LTBP1: variants seen among roughly 807,000 people sequenced by gnomAD.
The protein encoded by LTBP1 is latent-transforming growth factor beta-binding protein 1.
A neutral mutation model predicts 207.6 loss-of-function variants in LTBP1; 129 were observed. That is an observed-to-expected ratio of 0.62 (90% CI 0.54 to 0.72). The LOEUF (loss-of-function observed/expected upper bound fraction) is 0.72, where lower values mean the gene tolerates loss of function less well. LTBP1 is among the 30% of genes least tolerant of loss of function. The pLI is 0.00. For synonymous variants in LTBP1, 963 were observed against 833.7 expected (o/e 1.16, Z -2.67); for missense variants, 2,281 against 2,217.2 (o/e 1.03, Z -0.58).
At chr2:33,303,308 A>G (rs1450170646) in intron 22 of LTBP1, among the ~76,000 whole-genome samples, 1 of 151,070 alleles carries the variant, frequency 6.6e-6, no homozygotes. Flanking sequence ...TGGTTTCAGG[A>G]TGAAACTGTC....
intron 24 of LTBP1, among the ~76,000 whole-genome samples, chr2:33,315,935 C>G (rs1416286688): frequency 2.0e-5 from 3 of 151,956 alleles, no homozygotes; most frequent in African/African-American, 7.3e-5. Context: ...AAGACTCCGT[C>G]TAAAAAAGAA....
At chr2:33,288,574 G>A (rs1270576873) in intron 19 of LTBP1, among the ~76,000 whole-genome samples, 2 of 152,170 alleles carry the variant, frequency 1.3e-5, no homozygotes, top group Admixed American at 6.5e-5. Context: ...AGAAGTTGGA[G>A]GCCAGGTGCG....
chr2:33,179,313 A>G (rs181190212), intron 5 of LTBP1, among the ~76,000 whole-genome samples: 228 of 152,326 alleles, frequency 1.5e-3, no homozygotes, highest in Admixed American at 3.4e-3. Flanking sequence ...CCCCTCATCT[A>G]GAGTTTAAAA....
Position 33,365,393 on chromosome 2 carries a change from A to T in LTBP1, c.4601A>T (p.Tyr1534Phe), listed in dbSNP as rs777711061. 5 of 1,614,076 alleles carry T rather than the reference A, an allele frequency of 3.1e-6. No individual in the cohort carries two copies. Among genetic ancestry groups the T allele is most frequent in the Non-Finnish European group, 4.2e-6 (5 of 1,180,024 alleles). Reference sequence around the variant, plus strand: ...TGCTGGGAACATCTGAGTGATGAATACGTGTGTAGCCGGCCTCTTGTGGGC... The same window carrying T: ...TGCTGGGAACATCTGAGTGATGAATTCGTGTGTAGCCGGCCTCTTGTGGGC... ...DLCWEHLSDE[Y>F]VCSRPLVGKQ... Residue 1534 changes from tyrosine (Y) to phenylalanine (F), a missense_variant, in exon 31 of 34, where the codon TAC becomes TTC. By Grantham distance (22) the Tyr-to-Phe change is conservative (BLOSUM62 3). This residue lies in a region of LTBP1 where 1,671 missense variants were observed against 1,634.8 expected (regional missense o/e 1.02). Coordinates refer to ENST00000404816, the MANE Select transcript of LTBP1 (RefSeq NM_206943.4).
rs1470732676 is a variant in LTBP1 at position 33,000,311 on chromosome 2, G to A, written c.566-20598G>A. On this transcript the variant is annotated intron_variant, in intron 2 of 33. Transcript: ENST00000404816. ...CCTACCCTTAGAATGACCCTATATG[G>A]CAGATGCACCTGAATGTGTATACCG... Among the ~76,000 whole-genome samples, 2 of 134,538 alleles carry A rather than the reference G, an allele frequency of 1.5e-5. 1 individual carries two copies. Among genetic ancestry groups the A allele is most frequent in the Non-Finnish European group, 3.3e-5 (2 of 61,250 alleles). 88.3% of individuals were successfully genotyped at this position (134,538 alleles called of 152,430 possible).
chr2:33,003,892 T>C (rs1037787961), intron 2 of LTBP1, among the ~76,000 whole-genome samples: 10 of 152,102 alleles, frequency 6.6e-5, no homozygotes, highest in Admixed American at 2.0e-4. Context: ...CAAAAACATA[T>C]TTCTGCAAGG....
intron 9 of LTBP1, among the ~76,000 whole-genome samples, chr2:33,226,305 C>G (rs1037196266): frequency 1.3e-5 from 2 of 152,160 alleles, no homozygotes; most frequent in African/African-American, 2.4e-5. Context: ...TCTGATATCT[C>G]TGCCTCTTAA....
chr2:33,283,511 A>C (rs937348928), intron 19 of LTBP1, among the ~76,000 whole-genome samples: 1 of 129,458 alleles, frequency 7.7e-6, no homozygotes, highest in Non-Finnish European at 1.5e-5. Context: ...ATCTCAGCTC[A>C]CTGCAACCTC....
intron 5 of LTBP1, among the ~76,000 whole-genome samples, chr2:33,135,622 A>G (rs996867085): frequency 2.0e-5 from 3 of 152,138 alleles, no homozygotes; most frequent in African/African-American, 7.2e-5. Flanking sequence ...GTACTCCTTT[A>G]AGTTAATTTA....
At chr2:33,329,712 TC>T (rs1264150282) in intron 24 of LTBP1, among the ~76,000 whole-genome samples, 4 of 152,118 alleles carry the variant, frequency 2.6e-5, no homozygotes, top group Non-Finnish European at 5.9e-5. Context: ...TGAATATATT[TC>T]TGCATTATTC....
At chr2:33,211,567 A>C (rs779918193) in intron 7 of LTBP1, among the ~76,000 whole-genome samples, 1 of 152,156 alleles carries the variant, frequency 6.6e-6, no homozygotes, top group Non-Finnish European at 1.5e-5. Context: ...ATTTCAATCC[A>C]AGTCTAATGA....
At chr2:33,102,322 C>T (rs1397617138) in intron 3 of LTBP1, among the ~76,000 whole-genome samples, 4 of 152,126 alleles carry the variant, frequency 2.6e-5, no homozygotes, top group African/African-American at 9.7e-5. Context: ...TAGTGTCATC[C>T]CTGGCTTTTT....
chr2:33,131,450 T>G (rs923156108), intron 4 of LTBP1, among the ~76,000 whole-genome samples: 3 of 152,212 alleles, frequency 2.0e-5, no homozygotes, highest in African/African-American at 7.2e-5. Context: ...TGGGAATGAT[T>G]TTCAAGGAGT....
intron 4 of LTBP1, among the ~76,000 whole-genome samples, chr2:33,126,862 T>G (rs1171817527): frequency 6.6e-6 from 1 of 152,218 alleles, no homozygotes; most frequent in Non-Finnish European, 1.5e-5. Context: ...GAATCAGTAT[T>G]CTGCAAGCTT....
At position 33,127,577 on chromosome 2, in the gene LTBP1, C is replaced by G. The variant is rs548423601; in HGVS notation, c.1034-7216C>G. 2.6e-5 allele frequency among the ~76,000 whole-genome samples: 4 copies of G among 152,168 alleles called. No homozygotes were observed. The East Asian group carries it at 7.7e-4, about 29-fold the overall frequency. On this transcript the variant is annotated intron_variant, in intron 4 of 33. Coordinates refer to ENST00000404816, the MANE Select transcript of LTBP1 (RefSeq NM_206943.4). ...TCTTACCACATTCTCTCTTCCAGTC[C>G]TAAAAAGAGAATCACCAGGTGGGAC...
intron 3 of LTBP1, among the ~76,000 whole-genome samples, chr2:33,030,780 T>C (rs1466857072): frequency 6.6e-6 from 1 of 152,198 alleles, no homozygotes; most frequent in Non-Finnish European, 1.5e-5. Flanking sequence ...GTCAAATGAG[T>C]CTTTAATAAA....
chr2:33,052,879 CT>C (rs35604414), intron 3 of LTBP1, among the ~76,000 whole-genome samples: 108,593 of 146,580 alleles, frequency 0.74, 41,423 homozygotes, highest in East Asian at 0.98. Flanking sequence ...TTAAAACAGG[CT>C]TTTTTTTTTT....
At chr2:33,285,857 C>G (rs546308377) in intron 19 of LTBP1, 1 of 151,864 alleles carries the variant, frequency 6.6e-6, no homozygotes, top group East Asian at 1.9e-4. Flanking sequence ...CAGACTAGAT[C>G]GGGCACGTTC....
chr2:33,076,409 T>A lies in LTBP1; in HGVS notation c.864-34173T>A, dbSNP rs796567824. Among the ~76,000 whole-genome samples the A allele has an allele frequency of 4.6e-5, 7 of 152,286 alleles. 1 individual carries two copies. The highest frequency in any genetic ancestry group is 1.7e-4 in the African/African-American group (7 of 41,560). ...AAGGAAGGATTAATCTCATCTTGTC[T>A]TTGTTCTGTACCTGGGAAGACAAGC... On this transcript the variant is annotated intron_variant, in intron 3 of 33. Transcript: ENST00000404816.
Sources: allele counts gnomAD v4.1 joint callset (sites outside exome capture counted in the v4.1 genomes callset), GRCh38; gene constraint gnomAD v4.1.1; regional missense constraint gnomAD v4.1.1; transcripts MANE v1.5; gene names NCBI Gene and HGNC (gene_info 2026-07-23, HGNC 2026-07-21).